The following RBFOX1 variants were observed in gnomAD, a reference collection of about 807,000 sequenced individuals.
The protein encoded by RBFOX1 is RNA binding fox-1 homolog 1.
RBFOX1 carries 8 observed loss-of-function variants against 57.7 expected under a neutral mutation model. The observed-to-expected ratio is 0.14, with a 90% CI of 0.08 to 0.25. RBFOX1 has a LOEUF of 0.25. Among genes scored for constraint, RBFOX1 ranks in the 10% least tolerant of loss-of-function variants. RBFOX1 has a pLI of 1.00. For synonymous variants in RBFOX1, 326 were observed against 222.4 expected, an observed-to-expected ratio of 1.47 and a Z score of -4.15; for missense variants, 611 against 548.5, an observed-to-expected ratio of 1.11 and a Z score of -1.14.
At chr16:7,032,873 C>G (rs1241119135) in intron 3 of RBFOX1, among the ~76,000 whole-genome samples, 2 of 152,156 alleles carry the variant, frequency 1.3e-5, no homozygotes, top group South Asian at 2.1e-4. Flanking sequence ...CTTCCAGATT[C>G]TCAAATTTCT....
chr16:5,971,100 G>T (rs1006461037), intron 4 of RBFOX1, among the ~76,000 whole-genome samples: 6 of 152,086 alleles, frequency 3.9e-5, no homozygotes, highest in South Asian at 2.1e-4. Flanking sequence ...TCTTCCTCCC[G>T]TATCCAGGTG....
At chr16:7,495,765 G>A (rs1479416977) in intron 4 of RBFOX1, among the ~76,000 whole-genome samples, 1 of 152,124 alleles carries the variant, frequency 6.6e-6, no homozygotes, top group African/African-American at 2.4e-5. Flanking sequence ...CACACTGCTT[G>A]GGTAACGGGT....
chr16:7,110,567 A>G (rs964083437), intron 4 of RBFOX1, among the ~76,000 whole-genome samples: 2 of 152,188 alleles, frequency 1.3e-5, no homozygotes, highest in Non-Finnish European at 1.5e-5. Flanking sequence ...ACAGTGGCTA[A>G]TAGCTAGGAG....
chr16:6,021,560 A>T (rs141510546), intron 1 of RBFOX1, among the ~76,000 whole-genome samples: 2 of 152,246 alleles, frequency 1.3e-5, no homozygotes, highest in Non-Finnish European at 2.9e-5. Context: ...GTCCTCTTTG[A>T]GCTCGTCAGG....
At position 5,347,684 on chromosome 16, in the gene RBFOX1, G is replaced by T. The variant is rs145656739; in HGVS notation, c.219+107579G>T. On this transcript the variant is annotated intron_variant, in intron 1 of 2. Transcript: ENST00000585867. ...TCCACCCACCCTTTCACTCAATCAT[G>T]CACTCTCCTACCCTTCCACCCACCC... 4.9e-3 allele frequency among the ~76,000 whole-genome samples: 607 copies of T among 124,406 alleles called. 6 individuals are homozygous for T. The highest frequency in any genetic ancestry group is 0.018 in the African/African-American group (573 of 31,952). The allele number at this position is 124,406 out of a possible 152,430, so 81.6% of individuals were successfully genotyped here.
At position 6,986,154 on chromosome 16, in the gene RBFOX1, T is replaced by C. The variant is rs1029939086; in HGVS notation, c.-15-65903T>C. On this transcript the variant is annotated intron_variant, in intron 3 of 15. Coordinates refer to ENST00000550418, the MANE Select transcript of RBFOX1 (RefSeq NM_018723.4). ...TGTAAGACTTGTACAATAACCCTTA[T>C]ATACGTCTACCAGAATCACCAATTT... Among the ~76,000 whole-genome samples the C allele has an allele frequency of 9.1e-5, 11 of 120,654 alleles. No individual in the cohort carries two copies. The East Asian group carries it at 3.9e-3, about 43-fold the overall frequency. 79.2% of individuals were successfully genotyped at this position (120,654 alleles called of 152,430 possible). A position where few individuals can be genotyped will look rare whatever the true frequency, so the allele number is the denominator to read the frequency against.
At chr16:7,300,881 A>C (rs1017878233) in intron 4 of RBFOX1, among the ~76,000 whole-genome samples, 1 of 152,224 alleles carries the variant, frequency 6.6e-6, no homozygotes, top group Non-Finnish European at 1.5e-5. Flanking sequence ...ATGTATAACC[A>C]TTCCATTAAG....
intron 3 of RBFOX1, among the ~76,000 whole-genome samples, chr16:6,857,003 C>A (rs1443274972): frequency 3.3e-5 from 5 of 152,160 alleles, no homozygotes; most frequent in African/African-American, 1.2e-4. Context: ...AAATATTAGA[C>A]ATGCTTTGGA....
At chr16:7,439,316 T>C (rs1319286752) in intron 4 of RBFOX1, among the ~76,000 whole-genome samples, 13 of 151,014 alleles carry the variant, frequency 8.6e-5, no homozygotes, top group Admixed American at 8.6e-4. Flanking sequence ...CCTCTTTTCA[T>C]GGAACGTCAT....
intron 2 of RBFOX1, among the ~76,000 whole-genome samples, chr16:6,552,869 G>C (rs2097018077): frequency 6.6e-6 from 1 of 151,826 alleles, no homozygotes. Context: ...AGTATATTCT[G>C]TTTTGTGTTA....
chr16:5,521,009 G>A (rs756732743), intron 2 of RBFOX1, among the ~76,000 whole-genome samples: 11 of 152,180 alleles, frequency 7.2e-5, no homozygotes, highest in Non-Finnish European at 1.5e-4. Context: ...AGTCCATGGA[G>A]ATTTGGGGGA....
intron 2 of RBFOX1, among the ~76,000 whole-genome samples, chr16:6,599,938 A>G (rs17140704): frequency 0.04 from 6,059 of 152,260 alleles, 424 homozygotes; most frequent in African/African-American, 0.14. Context: ...CACAATCAAC[A>G]AAGCATTGAA....
chr16:5,681,508 C>A lies in RBFOX1; in HGVS notation c.318+82547C>A, dbSNP rs569753392. Reference sequence around the variant, plus strand: ...GGTTCAAGTGATTCTCCTGCCTCAGCCTCTGGAGTAGCTGGGATTACAGGC... The same window carrying A: ...GGTTCAAGTGATTCTCCTGCCTCAGACTCTGGAGTAGCTGGGATTACAGGC... On this transcript the variant is annotated intron_variant, in intron 3 of 19. Coordinates refer to the RBFOX1 transcript ENST00000641259. 2.6e-5 allele frequency among the ~76,000 whole-genome samples: 4 copies of A among 151,570 alleles called. No homozygotes were observed. In the East Asian group the frequency reaches 7.8e-4, roughly 30 times the overall value.
At chr16:5,908,095 T>TATATATATATATATATATATATAC (rs1567133450) in intron 4 of RBFOX1, among the ~76,000 whole-genome samples, 1 of 139,888 alleles carries the variant, frequency 7.1e-6, no homozygotes, top group African/African-American at 3.0e-5. Flanking sequence ...TACACATATA[T>TATATATATATATATATATATATAC]ACACATATAT....
chr16:5,460,995 C>G (rs2068770910), intron 1 of RBFOX1, among the ~76,000 whole-genome samples: 1 of 152,042 alleles, frequency 6.6e-6, no homozygotes, highest in Non-Finnish European at 1.5e-5. Flanking sequence ...AAACGGATGA[C>G]AAGGAAAGGA....
intron 1 of RBFOX1, among the ~76,000 whole-genome samples, chr16:6,211,737 A>G (rs1401765304): frequency 6.6e-6 from 1 of 152,134 alleles, no homozygotes; most frequent in Non-Finnish European, 1.5e-5. Flanking sequence ...GGGTCTTGTA[A>G]TTGTGCTTCT....
chr16:7,227,937 A>G (rs778770883), intron 4 of RBFOX1, among the ~76,000 whole-genome samples: 3 of 152,152 alleles, frequency 2.0e-5, no homozygotes, highest in African/African-American at 7.2e-5. Flanking sequence ...CAGCCAGACA[A>G]TTCTTTGCGG....
At chr16:7,487,374 G>A (rs2065699826) in intron 4 of RBFOX1, among the ~76,000 whole-genome samples, 1 of 152,194 alleles carries the variant, frequency 6.6e-6, no homozygotes, top group African/African-American at 2.4e-5. Flanking sequence ...ATATCAATGT[G>A]TTTATGTGTC....
chr16:6,683,549 C>T (rs751363988), intron 3 of RBFOX1, among the ~76,000 whole-genome samples: 51 of 152,126 alleles, frequency 3.4e-4, no homozygotes, highest in South Asian at 1.5e-3. Flanking sequence ...GTTTTGTTTT[C>T]GTTACAAATA....
Sources: gnomAD v4.1 joint callset for allele counts (sites outside exome capture counted in the v4.1 genomes callset) on GRCh38, gnomAD v4.1.1 for gene constraint, MANE v1.5 for transcripts, NCBI Gene and HGNC (gene_info 2026-07-23, HGNC 2026-07-21) for gene names.